The following DNM1 variants were observed in gnomAD, a reference collection of about 807,000 sequenced individuals.
DNM1 encodes the protein dynamin 1, also known as dynamin-1.
In DNM1, 29 loss-of-function variants were observed where a neutral mutation model predicts 104.6. The ratio of observed to expected loss-of-function variants is 0.28; its 90% CI spans 0.21 to 0.38. DNM1 has a LOEUF of 0.38. Ranked by LOEUF, DNM1 falls within the 10% of genes least tolerant of loss-of-function variation. The pLI is 1.00. For synonymous variants in DNM1, 445 were observed against 475.8 expected (o/e 0.94, Z 0.84); for missense variants, 640 against 1,189.4 (o/e 0.54, Z 6.79).
chr9:128,239,062 A>G (rs1371359006), intron 11 of DNM1, among the ~76,000 whole-genome samples: 3 of 151,648 alleles, frequency 2.0e-5, no homozygotes, highest in African/African-American at 7.3e-5. Context: ...CAGTGGTGCA[A>G]TCTTGGCTCA....
chr9:128,217,102 G>A (rs1480056653), intron 1 of DNM1, among the ~76,000 whole-genome samples: 3 of 152,224 alleles, frequency 2.0e-5, no homozygotes, highest in Admixed American at 6.5e-5. Flanking sequence ...ACATTGGCAC[G>A]AGCAGATGTC....
At chr9:128,249,171 C>T (rs1268457305) in intron 19 of DNM1, among the ~76,000 whole-genome samples, 9 of 141,950 alleles carry the variant, frequency 6.3e-5, no homozygotes, top group African/African-American at 2.4e-4. Context: ...CCAGCCTGGC[C>T]GACAGAGCGA....
In DNM1 at chr9:128,248,863, A is replaced by T. The variant is rs1829328378; in HGVS notation, c.2076+110A>T. The T allele has an allele frequency of 8.0e-7, 1 of 1,249,256 alleles. No individual in the cohort carries two copies. Among genetic ancestry groups the T allele is most frequent in the Admixed American group, 1.9e-5 (1 of 53,994 alleles). 77.4% of individuals were successfully genotyped at this position (1,249,256 alleles called of 1,614,324 possible). On this transcript the variant is annotated intron_variant, in intron 19 of 21. Transcript: ENST00000372923. The surrounding 1 kb of genome is among the most constrained non-coding windows in gnomAD (Gnocchi z 5.6). ...CAGCCCTATGGGACCAGGTCCAGGGAGGGAGGCACGGTCCAGACCAGAGCT... is the reference window on the plus strand; with the variant it reads ...CAGCCCTATGGGACCAGGTCCAGGGTGGGAGGCACGGTCCAGACCAGAGCT...
intron 20 of DNM1, among the ~76,000 whole-genome samples, 153 bp from the exon 21 acceptor site, chr9:128,250,572 G>A (rs1356856156): frequency 1.3e-5 from 2 of 152,218 alleles, no homozygotes; most frequent in Non-Finnish European, 1.5e-5. Context: ...CGCCGCTGGG[G>A]GCGGGGCTTA....
chr9:128,221,883 A>T (rs1430838638), intron 6 of DNM1, among the ~76,000 whole-genome samples: 1 of 152,182 alleles, frequency 6.6e-6, no homozygotes, highest in African/African-American at 2.4e-5. Context: ...CTGGGTGACG[A>T]GTGAAACTCC....
chr9:128,213,642 T>C (rs1421172724), intron 1 of DNM1, among the ~76,000 whole-genome samples: 2 of 152,170 alleles, frequency 1.3e-5, no homozygotes, highest in Non-Finnish European at 1.5e-5. Flanking sequence ...ACTTGCACCA[T>C]GATCTTGGGC....
intron 11 of DNM1, among the ~76,000 whole-genome samples, chr9:128,235,861 C>T (rs891526793): frequency 6.6e-6 from 1 of 152,192 alleles, no homozygotes; most frequent in Non-Finnish European, 1.5e-5. Flanking sequence ...GCTACAGGTA[C>T]ATGCCACTAC....
At chr9:128,226,939 C>T (rs1750606619) in intron 10 of DNM1, among the ~76,000 whole-genome samples, 1 of 151,918 alleles carries the variant, frequency 6.6e-6, no homozygotes, top group Non-Finnish European at 1.5e-5. Flanking sequence ...GAAGGACTTC[C>T]CTATGCTGGT....
intron 1 of DNM1, among the ~76,000 whole-genome samples, chr9:128,209,648 A>T (rs1834173929): frequency 6.6e-6 from 1 of 152,120 alleles, no homozygotes; most frequent in African/African-American, 2.4e-5. Flanking sequence ...AGGCGTGGGG[A>T]CAGGTGTCCC....
intron 1 of DNM1, among the ~76,000 whole-genome samples, chr9:128,209,699 C>T (rs927278127): frequency 2.0e-5 from 3 of 152,220 alleles, no homozygotes; most frequent in Non-Finnish European, 2.9e-5. Context: ...TTTATCCCTC[C>T]AGGGTTCACT....
intron 10 of DNM1, among the ~76,000 whole-genome samples, chr9:128,226,805 T>C (rs1835369445): frequency 6.6e-6 from 1 of 152,082 alleles, no homozygotes. Context: ...ATTTTGAGGA[T>C]TTTTAGCCAG....
At position 128,245,535 on chromosome 9, in the gene DNM1, A is replaced by G. The variant is rs1418025654; in HGVS notation, c.1672-859A>G. ...CCTACATACACATGTGCCCACACCG[A>G]GCACACACATGGGCCTAGCACCCCA... is the stretch of plus-strand genomic sequence containing the variant. On this transcript the variant is annotated intron_variant, in intron 15 of 21. Transcript: ENST00000372923. The surrounding 1 kb of genome is among the most constrained non-coding windows in gnomAD (Gnocchi z 5.2). 6.6e-6 allele frequency among the ~76,000 whole-genome samples: 1 copy of G among 152,034 alleles called. No individual in the cohort carries two copies. The highest frequency in any genetic ancestry group is 6.6e-5 in the Admixed American group (1 of 15,266).
intron 15 of DNM1, among the ~76,000 whole-genome samples, chr9:128,244,473 G>A (rs1007121262): frequency 6.6e-6 from 1 of 151,984 alleles, no homozygotes; most frequent in Non-Finnish European, 1.5e-5. Context: ...AGGTTTTGGG[G>A]TGAGGGAGGC....
chr9:128,233,889 T>C lies in DNM1; in HGVS notation c.1336-132T>C, dbSNP rs1478956046. ...TCAGCGTCCTGGGACCCTAGGTCTCTCTTCCCCGCGTTGTGGGCATTCTGT... is the reference window on the plus strand; with the variant it reads ...TCAGCGTCCTGGGACCCTAGGTCTCCCTTCCCCGCGTTGTGGGCATTCTGT... On this transcript the variant is annotated intron_variant, in intron 10 of 21. Coordinates refer to ENST00000372923, the MANE Select transcript of DNM1 (RefSeq NM_004408.4). 5.1e-6 allele frequency: 4 copies of C among 791,242 alleles called. No homozygotes were observed. The Admixed American group carries it at 6.5e-5, about 13-fold the overall frequency. The allele number at this position is 791,242 out of a possible 1,614,324, so 49.0% of individuals were successfully genotyped here.
intron 1 of DNM1, among the ~76,000 whole-genome samples, chr9:128,208,668 A>G (rs1209223501): frequency 6.6e-6 from 1 of 152,142 alleles, no homozygotes; most frequent in Non-Finnish European, 1.5e-5. Flanking sequence ...TACAGTTGTG[A>G]GTCAGCCAGA....
At chr9:128,233,348 G>GC (rs1457997730) in intron 10 of DNM1, among the ~76,000 whole-genome samples, 3 of 152,164 alleles carry the variant, frequency 2.0e-5, no homozygotes, top group African/African-American at 7.2e-5. Context: ...GCCCAGCCAG[G>GC]CCCCGCGGGG....
chr9:128,250,926 G>A lies in DNM1; in HGVS notation c.2520G>A (p.Pro840=). The change falls in exon 21 of 22, where the codon CCG becomes CCA. Residue 840 remains proline (P), a synonymous_variant. Transcript: ENST00000372923. ...PQVPSRPNRA[P]PGVPSRSGQA... ...TGCCCTCGCGCCCCAACCGCGCCCC[G>A]CCCGGGGTCCCCAGGTGAGTAGGGG... 7.3e-7 allele frequency: 1 copy of A among 1,370,810 alleles called. No individual in the cohort carries two copies. Among genetic ancestry groups the A allele is most frequent in the South Asian group, 1.7e-5 (1 of 58,918 alleles). The allele number at this position is 1,370,810 out of a possible 1,614,324, so 84.9% of individuals were successfully genotyped here. A position where few individuals can be genotyped will look rare whatever the true frequency, so the allele number is the denominator to read the frequency against.
In DNM1 at chr9:128,250,759, GC is replaced by G. The variant is rs1422654527; in HGVS notation, c.2358del (p.Ala787ProfsTer101). The G allele has an allele frequency of 2.8e-6, 4 of 1,420,550 alleles. No homozygotes were observed. Among genetic ancestry groups the G allele is most frequent in the African/African-American group, 1.5e-5 (1 of 66,942 alleles). The allele number at this position is 1,420,550 out of a possible 1,614,324, so 88.0% of individuals were successfully genotyped here. A position where few individuals can be genotyped will look rare whatever the true frequency, so the allele number is the denominator to read the frequency against. ...GTCCAGCCCCACGCCGCAGCGCCGA[GC>G]CCCCGCCGTGCCCCCAGCCCGGCCC... Reference protein sequence around the residue: ...PTSSPTPQRRAPAVPPARPGS... With the variant: ...PTSSPTPQRRXPAVPPARPGS... On this transcript the variant is annotated frameshift_variant, in exon 21 of 22. Transcript: ENST00000372923. LOFTEE classifies it high-confidence loss of function.
intron 1 of DNM1, among the ~76,000 whole-genome samples, chr9:128,206,898 G>A (rs1484339246): frequency 6.6e-6 from 1 of 152,026 alleles, no homozygotes; most frequent in Non-Finnish European, 1.5e-5. Flanking sequence ...TTGGGGAGCG[G>A]GTGAGGGAAA....
Sources: allele counts gnomAD v4.1 joint callset (sites outside exome capture counted in the v4.1 genomes callset), GRCh38; gene constraint gnomAD v4.1.1; non-coding constraint Gnocchi (gnomAD v3.1); transcripts MANE v1.5; gene names NCBI Gene and HGNC (gene_info 2026-07-23, HGNC 2026-07-21).